SYT2: variants seen among roughly 807,000 people sequenced by gnomAD.
The protein encoded by SYT2 is synaptotagmin-2.
In SYT2, 15 loss-of-function variants were observed where a neutral mutation model predicts 39.9. The ratio of observed to expected loss-of-function variants is 0.38; its 90% CI spans 0.25 to 0.58. SYT2 has a LOEUF of 0.58. Among genes scored for constraint, SYT2 ranks in the 20% least tolerant of loss-of-function variants. SYT2 has a pLI of 0.70. For missense variants in SYT2, 389 were observed against 530.3 expected, an observed-to-expected ratio of 0.73 and a Z score of 2.62; for synonymous variants, 181 against 204.5, an observed-to-expected ratio of 0.89 and a Z score of 0.98.
At chr1:202,704,011 G>A (rs1373934077) in intron 1 of SYT2, among the ~76,000 whole-genome samples, 2 of 152,194 alleles carry the variant, frequency 1.3e-5, no homozygotes, top group African/African-American at 2.4e-5. Flanking sequence ...CTTACTGAGA[G>A]GCACCTGACA....
intron 1 of SYT2, chr1:202,639,667 C>A: frequency 1.0e-6 from 1 of 985,478 alleles, no homozygotes. Context: ...TCATCAGGAG[C>A]CTTTTGTCAG....
chr1:202,605,389 C>T (rs535933640), intron 2 of SYT2: 12 of 434,658 alleles, frequency 2.8e-5, no homozygotes, highest in African/African-American at 5.9e-5. Context: ...GAGAAGTTGA[C>T]GCACATAAAC....
At chr1:202,680,928 C>G (rs1350812184) in intron 1 of SYT2, among the ~76,000 whole-genome samples, 1 of 152,178 alleles carries the variant, frequency 6.6e-6, no homozygotes, top group Admixed American at 6.5e-5. Flanking sequence ...ATTTGAGGAG[C>G]AAGAGAAGAA....
chr1:202,692,309 C>T (rs1653857113), intron 1 of SYT2, among the ~76,000 whole-genome samples: 2 of 152,130 alleles, frequency 1.3e-5, no homozygotes, highest in Non-Finnish European at 2.9e-5. Context: ...CCACTACCTG[C>T]CACAAAAACC....
chr1:202,642,597 G>A lies in SYT2; in HGVS notation c.-17-36808C>T, dbSNP rs1691946946. ...GTGGCGCGTGTCAAAGTGTGGGAAAGTTCCCGGGAGAGGAAGGGGTGGAAA... is the reference window on the plus strand; with the variant it reads ...GTGGCGCGTGTCAAAGTGTGGGAAAATTCCCGGGAGAGGAAGGGGTGGAAA... On this transcript the variant is annotated intron_variant, in intron 1 of 8. Transcript: ENST00000367268. Among the ~76,000 whole-genome samples the A allele has an allele frequency of 1.3e-5, 2 of 152,142 alleles. 1 individual carries two copies. Among genetic ancestry groups the A allele is most frequent in the South Asian group, 4.1e-4 (2 of 4,838 alleles).
At chr1:202,648,209 C>T (rs1692126614) in intron 1 of SYT2, among the ~76,000 whole-genome samples, 1 of 152,228 alleles carries the variant, frequency 6.6e-6, no homozygotes, top group South Asian at 2.1e-4. Flanking sequence ...TGTTTTGAGG[C>T]AGAGTCTCGC....
intron 1 of SYT2, among the ~76,000 whole-genome samples, chr1:202,684,377 G>A (rs1043959499): frequency 1.3e-5 from 2 of 151,216 alleles, no homozygotes; most frequent in African/African-American, 4.9e-5. Flanking sequence ...ATATAAGTGA[G>A]ATTATACAGT....
chr1:202,651,788 T>A (rs1692198944), intron 1 of SYT2, among the ~76,000 whole-genome samples: 1 of 152,218 alleles, frequency 6.6e-6, no homozygotes, highest in South Asian at 2.1e-4. Context: ...AGGGCAGGCG[T>A]GGTGGCTCAC....
intron 1 of SYT2, among the ~76,000 whole-genome samples, chr1:202,617,369 C>A (rs1345085301): frequency 6.6e-6 from 1 of 151,844 alleles, no homozygotes; most frequent in Non-Finnish European, 1.5e-5. Context: ...GTGTAGCACC[C>A]CCCAACCCCC....
chr1:202,641,607 G>C (rs1691918563), intron 1 of SYT2, among the ~76,000 whole-genome samples: 1 of 152,224 alleles, frequency 6.6e-6, no homozygotes, highest in African/African-American at 2.4e-5. Flanking sequence ...CCAAAAAGGA[G>C]TTAGATTAGA....
At chr1:202,656,954 G>C (rs1024210577) in intron 1 of SYT2, among the ~76,000 whole-genome samples, 1 of 152,232 alleles carries the variant, frequency 6.6e-6, no homozygotes, top group Admixed American at 6.5e-5. Context: ...CAGCTCTCTG[G>C]AAGCAGCCAC....
intron 1 of SYT2, among the ~76,000 whole-genome samples, chr1:202,708,604 T>C (rs991204278): frequency 6.6e-6 from 1 of 152,008 alleles, no homozygotes; most frequent in Non-Finnish European, 1.5e-5. Context: ...GGAGATGGGT[T>C]GGAGTTGGAC....
chr1:202,602,413 G>C lies in SYT2; in HGVS notation c.598C>G (p.Leu200Val), dbSNP rs551242051. 1.9e-6 allele frequency: 3 copies of C among 1,614,176 alleles called. No homozygotes were observed. The highest frequency in any genetic ancestry group is 3.3e-5 in the Admixed American group (2 of 60,032). ...AAGGTTTCATTGAAGGCAGGGTTCAGTGTCTTCCGATGGACTTTGGTCTCA... is the reference window on the plus strand; with the variant it reads ...AAGGTTTCATTGAAGGCAGGGTTCACTGTCTTCCGATGGACTTTGGTCTCA... ...KYETKVHRKT[L>V]NPAFNETFTF... The change falls in exon 5 of 9, where the codon CTG (leucine) becomes GTG (valine). Residue 200 changes from leucine to valine, a missense_variant. Physicochemically the swap from Leu to Val is conservative, Grantham distance 32. This residue lies in a region of SYT2 where 280 missense variants were observed against 335.6 expected (regional missense o/e 0.83). Transcript: ENST00000367268.
intron 1 of SYT2, among the ~76,000 whole-genome samples, chr1:202,684,915 C>T (rs546832036): frequency 2.0e-5 from 3 of 152,316 alleles, no homozygotes; most frequent in African/African-American, 7.2e-5. Flanking sequence ...CTCCAGGACA[C>T]AGCAGGGGGG....
chr1:202,627,381 C>T, intron 1 of SYT2: 1 of 928,874 alleles, frequency 1.1e-6, no homozygotes, highest in Non-Finnish European at 1.3e-6. Flanking sequence ...AGGAACTGCC[C>T]CCCAACTCTG....
At chr1:202,679,784 A>G (rs1028368968) in intron 1 of SYT2, among the ~76,000 whole-genome samples, 8 of 152,192 alleles carry the variant, frequency 5.3e-5, no homozygotes, top group Admixed American at 4.6e-4. Flanking sequence ...TCCTTAGCCC[A>G]GCATTCAAGG....
chr1:202,677,652 C>A (rs1222401371), intron 1 of SYT2, among the ~76,000 whole-genome samples: 1 of 152,234 alleles, frequency 6.6e-6, no homozygotes, highest in Non-Finnish European at 1.5e-5. Flanking sequence ...CTGAGCCCTG[C>A]TCAAACTGTA....
intron 1 of SYT2, among the ~76,000 whole-genome samples, chr1:202,686,106 G>A (rs1653659347): frequency 6.6e-6 from 1 of 152,198 alleles, no homozygotes; most frequent in South Asian, 2.1e-4. Context: ...AACCCCCAAT[G>A]TTGGAGATGT....
intron 1 of SYT2, among the ~76,000 whole-genome samples, chr1:202,610,203 G>C (rs1284592470): frequency 2.0e-5 from 3 of 152,190 alleles, no homozygotes; most frequent in South Asian, 2.1e-4. Context: ...TTGTAGATAT[G>C]CGGCATTATT....
Sources: gnomAD v4.1 joint callset for allele counts (sites outside exome capture counted in the v4.1 genomes callset) on GRCh38, gnomAD v4.1.1 for gene constraint, gnomAD v4.1.1 regional missense constraint, MANE v1.5 for transcripts, NCBI Gene and HGNC (gene_info 2026-07-23, HGNC 2026-07-21) for gene names.